Variants in SHISA6 observed in about 807,000 individuals in gnomAD.
The protein encoded by SHISA6 is shisa family member 6.
Under a neutral mutation model 47.9 loss-of-function variants are expected in SHISA6, and 22 were observed. That is an observed-to-expected ratio of 0.46 (90% CI 0.33 to 0.66). The LOEUF (loss-of-function observed/expected upper bound fraction) is 0.66, where lower values mean the gene tolerates loss of function less well. SHISA6 is among the 30% of genes least tolerant of loss of function. SHISA6 has a pLI of 0.02. For missense variants in SHISA6, 680 were observed against 764.6 expected (o/e 0.89, Z 1.30); for synonymous variants, 388 against 337.8 (o/e 1.15, Z -1.63).
At chr17:11,481,362 G>GTATATATATATATATATATA (rs1481491401) in intron 3 of SHISA6, among the ~76,000 whole-genome samples, 8 of 114,564 alleles carry the variant, frequency 7.0e-5, no homozygotes, top group African/African-American at 2.4e-4. Context: ...GTGTGTGTGT[G>GTATATATATATATATATATA]TGTGTATATA....
intron 3 of SHISA6, among the ~76,000 whole-genome samples, chr17:11,507,395 G>C (rs1253223851): frequency 6.6e-6 from 1 of 152,122 alleles, no homozygotes. Flanking sequence ...CCTGCCTTCT[G>C]CTCAGAGCTT....
At chr17:11,556,371 C>T (rs1271533525) in intron 5 of SHISA6, among the ~76,000 whole-genome samples, 1 of 152,208 alleles carries the variant, frequency 6.6e-6, no homozygotes. Context: ...CATGCATACA[C>T]CCCATTTCAC....
intron 3 of SHISA6, among the ~76,000 whole-genome samples, chr17:11,491,640 T>C (rs1361282734): frequency 1.3e-5 from 2 of 151,970 alleles, no homozygotes; most frequent in Non-Finnish European, 2.9e-5. Flanking sequence ...TAGGTTGGAC[T>C]ATGGAGGAGT....
chr17:11,404,389 C>G (rs1452758358), intron 3 of SHISA6, among the ~76,000 whole-genome samples: 1 of 152,098 alleles, frequency 6.6e-6, no homozygotes, highest in African/African-American at 2.4e-5. Context: ...CTAGGGACTT[C>G]ATGCCTGTAT....
chr17:11,254,213 A>G (rs1307899041), intron 1 of SHISA6, among the ~76,000 whole-genome samples: 1 of 152,150 alleles, frequency 6.6e-6, no homozygotes, highest in Non-Finnish European at 1.5e-5. Flanking sequence ...GAGCTACAAG[A>G]CAGAGTAATC....
chr17:11,551,829 T>C, intron 3 of SHISA6, 67 bp from the exon 4 acceptor site: 2 of 1,329,492 alleles, frequency 1.5e-6, no homozygotes, highest in Non-Finnish European at 2.1e-6. Flanking sequence ...AGAGAGATGC[T>C]GTTATGTTGG....
At chr17:11,524,735 G>A (rs928118919) in intron 3 of SHISA6, among the ~76,000 whole-genome samples, 3 of 152,214 alleles carry the variant, frequency 2.0e-5, no homozygotes, top group East Asian at 1.9e-4. Context: ...CTGACCTCAG[G>A]TGATCCACCC....
intron 3 of SHISA6, among the ~76,000 whole-genome samples, chr17:11,472,843 C>T (rs1427494245): frequency 1.1e-4 from 16 of 152,166 alleles, no homozygotes; most frequent in Non-Finnish European, 8.8e-5. Context: ...TTGGTGCTGT[C>T]ACTGTTCCAG....
At chr17:11,550,475 G>T (rs1024360626) in intron 3 of SHISA6, among the ~76,000 whole-genome samples, 1 of 152,192 alleles carries the variant, frequency 6.6e-6, no homozygotes, top group Non-Finnish European at 1.5e-5. Context: ...TGAGAGTGGA[G>T]CTAAAAGAAA....
intron 2 of SHISA6, among the ~76,000 whole-genome samples, chr17:11,315,638 G>A (rs1333083452): frequency 1.3e-5 from 2 of 151,904 alleles, no homozygotes; most frequent in African/African-American, 2.4e-5. Context: ...TCTGCACTTC[G>A]AATGATCATA....
intron 3 of SHISA6, among the ~76,000 whole-genome samples, chr17:11,473,827 G>A (rs1915985603): frequency 1.3e-5 from 2 of 151,934 alleles, no homozygotes; most frequent in South Asian, 4.2e-4. Flanking sequence ...TGCCATGGTG[G>A]TTTGCTGCAA....
chr17:11,329,721 G>A (rs1911030540), intron 2 of SHISA6, among the ~76,000 whole-genome samples: 1 of 152,140 alleles, frequency 6.6e-6, no homozygotes. Context: ...GAGGGGACAG[G>A]AGAAGATCCC....
At chr17:11,429,538 C>T (rs1914692592) in intron 3 of SHISA6, among the ~76,000 whole-genome samples, 1 of 150,548 alleles carries the variant, frequency 6.6e-6, no homozygotes, top group African/African-American at 2.4e-5. Context: ...CCCAGCACTT[C>T]GGGAGGCCAA....
At chr17:11,307,047 C>G (rs952741832) in intron 2 of SHISA6, among the ~76,000 whole-genome samples, 1 of 152,100 alleles carries the variant, frequency 6.6e-6, no homozygotes, top group African/African-American at 2.4e-5. Flanking sequence ...CTCGCAACCC[C>G]CCAGTGGAAA....
chr17:11,348,966 A>C (rs35638050), intron 2 of SHISA6, among the ~76,000 whole-genome samples: 16,481 of 152,204 alleles, frequency 0.11, 933 homozygotes, highest in African/African-American at 0.13. Flanking sequence ...CTGTGCTTTC[A>C]CTAGTGGGGG....
intron 3 of SHISA6, among the ~76,000 whole-genome samples, chr17:11,404,568 C>A (rs1913885434): frequency 6.6e-6 from 1 of 152,142 alleles, no homozygotes; most frequent in Non-Finnish European, 1.5e-5. Context: ...GGCACTCTAC[C>A]AATTATAGAC....
At chr17:11,357,935 T>C (rs972475674) in intron 2 of SHISA6, among the ~76,000 whole-genome samples, 2 of 152,208 alleles carry the variant, frequency 1.3e-5, no homozygotes, top group East Asian at 3.9e-4. Context: ...TTAATGTCCA[T>C]GGCCTGGTTT....
intron 3 of SHISA6, among the ~76,000 whole-genome samples, chr17:11,501,649 T>A (rs1295022031): frequency 6.6e-6 from 1 of 151,762 alleles, no homozygotes; most frequent in Non-Finnish European, 1.5e-5. Context: ...CGATGAGAAT[T>A]CAGATGGCCA....
rs1910626422 is a variant in SHISA6, at chr17:11,319,173, G to T, written c.799+55647G>T. Among the ~76,000 whole-genome samples, 5 of 151,058 alleles carry T rather than the reference G, an allele frequency of 3.3e-5. No individual in the cohort carries two copies. In the South Asian group the frequency reaches 1.0e-3, roughly 32 times the overall value. On this transcript the variant is annotated intron_variant, in intron 2 of 5. Transcript: ENST00000441885. ...GGCTCACTGCAACCTCCGCCTCCCG[G>T]GTTCAATCGATTCTCCTGCCTCAGC...
Sources: allele counts gnomAD v4.1 joint callset (sites outside exome capture counted in the v4.1 genomes callset), GRCh38; gene constraint gnomAD v4.1.1; transcripts MANE v1.5; gene names NCBI Gene and HGNC (gene_info 2026-07-23, HGNC 2026-07-21).